NCEH1: variants seen among roughly 807,000 people sequenced by gnomAD.
The protein encoded by NCEH1 is 2-acetyl MAGE hydrolase.
Under a neutral mutation model 25.4 loss-of-function variants are expected in NCEH1, and 9 were observed. The ratio of observed to expected loss-of-function variants is 0.35; its 90% CI spans 0.21 to 0.62. The LOEUF is 0.62. Among genes scored for constraint, NCEH1 ranks in the 20% least tolerant of loss-of-function variants. The pLI, the probability that NCEH1 is intolerant of heterozygous loss-of-function variation, is 0.72. For synonymous variants in NCEH1, 200 were observed against 199.8 expected (o/e 1.00, Z -0.01); for missense variants, 412 against 501.1 (o/e 0.82, Z 1.70).
intron 1 of NCEH1, among the ~76,000 whole-genome samples, chr3:172,657,348 C>T (rs2108503396): frequency 6.6e-6 from 1 of 152,254 alleles, no homozygotes; most frequent in Middle Eastern, 3.4e-3. Context: ...CTCCCTTCTC[C>T]ACCCCTAGAG....
chr3:172,636,794 AT>A (rs1466339166), intron 3 of NCEH1, among the ~76,000 whole-genome samples: 1 of 152,224 alleles, frequency 6.6e-6, no homozygotes, highest in Non-Finnish European at 1.5e-5. Context: ...TAGAATTCAT[AT>A]CCCCTTAAGA....
rs574394527 is a variant in NCEH1, at chr3:172,643,024, C to T, written c.437+2599G>A. 3.9e-5 allele frequency among the ~76,000 whole-genome samples: 6 copies of T among 152,218 alleles called. No individual in the cohort carries two copies. The East Asian group carries it at 7.7e-4, about 20-fold the overall frequency. On this transcript the variant is annotated intron_variant, in intron 3 of 4. Transcript: ENST00000475381. Reference sequence around the variant, plus strand: ...CTCAATCTCGGCTCACTGCAACCTCCGCCTCCCGGGTTCAAGTGATTCTCC... The same window carrying T: ...CTCAATCTCGGCTCACTGCAACCTCTGCCTCCCGGGTTCAAGTGATTCTCC...
intron 1 of NCEH1, among the ~76,000 whole-genome samples, chr3:172,669,803 C>A (rs1322987570): frequency 6.6e-6 from 1 of 152,212 alleles, no homozygotes; most frequent in East Asian, 1.9e-4. Context: ...TCCCAAAGGG[C>A]TGGGATTACA....
At chr3:172,676,466 C>T (rs568979526) in intron 1 of NCEH1, among the ~76,000 whole-genome samples, 4 of 152,262 alleles carry the variant, frequency 2.6e-5, no homozygotes, top group South Asian at 2.1e-4. Context: ...GAAATTTCGC[C>T]AGGTTTTTCA....
intron 3 of NCEH1, among the ~76,000 whole-genome samples, chr3:172,639,631 T>C (rs760287207): frequency 5.9e-5 from 9 of 152,224 alleles, no homozygotes; most frequent in Non-Finnish European, 1.3e-4. Context: ...AAAGATGTTA[T>C]ATCATATTAA....
intron 3 of NCEH1, among the ~76,000 whole-genome samples, chr3:172,643,385 A>T (rs1045706878): frequency 4.6e-5 from 7 of 152,082 alleles, no homozygotes; most frequent in Admixed American, 1.3e-4. Context: ...CACATTCTAA[A>T]CATACAGGAA....
intron 1 of NCEH1, among the ~76,000 whole-genome samples, chr3:172,650,235 G>A (rs7622086): frequency 0.37 from 55,715 of 152,056 alleles, 10,386 homozygotes; most frequent in East Asian, 0.45. Context: ...GAGTGCAGTG[G>A]CTCATGCCTA....
intron 1 of NCEH1, among the ~76,000 whole-genome samples, chr3:172,702,555 C>T (rs938529668): frequency 1.3e-5 from 2 of 152,186 alleles, no homozygotes; most frequent in African/African-American, 4.8e-5. Flanking sequence ...TTTTGCCAGA[C>T]CAGCTCCTTA....
intron 4 of NCEH1, among the ~76,000 whole-genome samples, chr3:172,634,298 A>G (rs1577048551): frequency 6.6e-6 from 1 of 152,302 alleles, no homozygotes; most frequent in East Asian, 1.9e-4. Context: ...TAGATATTTA[A>G]CTAAGAAAGG....
intron 1 of NCEH1, among the ~76,000 whole-genome samples, chr3:172,685,079 G>A (rs576095550): frequency 6.6e-5 from 10 of 152,026 alleles, no homozygotes; most frequent in African/African-American, 2.4e-4. Flanking sequence ...TGGACTGCCA[G>A]AGCTAAGTTT....
At chr3:172,673,337 A>G (rs1475034626) in intron 1 of NCEH1, among the ~76,000 whole-genome samples, 1 of 152,106 alleles carries the variant, frequency 6.6e-6, no homozygotes, top group Non-Finnish European at 1.5e-5. Context: ...CTCTAGGGGG[A>G]GCTCTTAGCC....
chr3:172,662,909 C>T (rs939686286), intron 1 of NCEH1, among the ~76,000 whole-genome samples: 4 of 148,364 alleles, frequency 2.7e-5, no homozygotes, highest in Non-Finnish European at 6.0e-5. Flanking sequence ...TTTCAAAAAA[C>T]CAGCTCCTGG....
rs1400230813 is a variant in NCEH1 at position 172,710,945 on chromosome 3, G to A, written c.40C>T (p.Leu14=). The part of the protein sequence containing the change: ...SCVLLTALVA[L]AAYYVYIPLP... ...GGGATGTAGACGTAATAGGCGGCCA[G>A]CGCCACCAGGGCGGTGAGCAGGACA... The change falls in exon 1 of 5, where the codon CTG becomes TTG. Residue 14 remains leucine (L), a synonymous_variant. Transcript: ENST00000475381. The A allele has an allele frequency of 6.2e-7, 1 of 1,614,068 alleles. No individual in the cohort carries two copies. Among genetic ancestry groups the A allele is most frequent in the East Asian group, 2.2e-5 (1 of 44,902 alleles).
intron 1 of NCEH1, among the ~76,000 whole-genome samples, chr3:172,689,043 T>A (rs1197687220): frequency 6.6e-6 from 1 of 152,186 alleles, no homozygotes; most frequent in Non-Finnish European, 1.5e-5. Context: ...AGCAGAACTG[T>A]TTTCAGAGAC....
chr3:172,650,293 A>G (rs7612232), intron 1 of NCEH1, among the ~76,000 whole-genome samples: 122,016 of 152,044 alleles, frequency 0.8, 49,326 homozygotes, highest in East Asian at 0.95. Flanking sequence ...ATCTGAGGTC[A>G]GGAGCTAGAG....
chr3:172,679,914 CG>C (rs1169278590), intron 1 of NCEH1, among the ~76,000 whole-genome samples: 1 of 152,014 alleles, frequency 6.6e-6, no homozygotes, highest in Middle Eastern at 3.2e-3. Flanking sequence ...TTGCAGGCTA[CG>C]TGAATGACAC....
chr3:172,677,246 G>T (rs932999016), intron 1 of NCEH1, among the ~76,000 whole-genome samples: 1 of 152,182 alleles, frequency 6.6e-6, no homozygotes, highest in African/African-American at 2.4e-5. Context: ...TTTACAAAGT[G>T]CAGGAAGTGG....
chr3:172,636,300 AG>A, intron 3 of NCEH1: 1 of 382,610 alleles, frequency 2.6e-6, no homozygotes, highest in Non-Finnish European at 4.7e-6. Context: ...ATTTTGTATT[AG>A]TAATAGTACT....
At chr3:172,683,832 T>C (rs902763350) in intron 1 of NCEH1, among the ~76,000 whole-genome samples, 6 of 152,244 alleles carry the variant, frequency 3.9e-5, no homozygotes, top group Non-Finnish European at 5.9e-5. Context: ...AGCTTCTTTG[T>C]AGGTTTTGAA....
Sources: allele counts gnomAD v4.1 joint callset (sites outside exome capture counted in the v4.1 genomes callset), GRCh38; gene constraint gnomAD v4.1.1; transcripts MANE v1.5; gene names NCBI Gene and HGNC (gene_info 2026-07-23, HGNC 2026-07-21).